Variants in OSER1 observed in about 807,000 individuals in gnomAD.
The protein encoded by OSER1 is oxidative stress responsive serine rich 1.
OSER1 carries 15 observed loss-of-function variants against 26.3 expected under a neutral mutation model. The ratio of observed to expected loss-of-function variants is 0.57; its 90% CI spans 0.38 to 0.88. OSER1 has a LOEUF of 0.88. Among genes scored for constraint, OSER1 ranks in the 40% least tolerant of loss-of-function variants. The probability of loss-of-function intolerance (pLI) is 0.00; values close to 1 mark genes in which losing one functional copy is unlikely to be tolerated. For synonymous variants in OSER1, 127 were observed against 128.2 expected (o/e 0.99, Z 0.07); for missense variants, 313 against 353.9 (o/e 0.88, Z 0.93).
rs771253796 is a variant in OSER1 at position 44,206,915 on chromosome 20, T to C, written c.43A>G (p.Thr15Ala). 26 of 1,582,064 alleles carry C rather than the reference T, an allele frequency of 1.6e-5. No individual in the cohort carries two copies. Among genetic ancestry groups the C allele is most frequent in the Admixed American group, 5.0e-5 (3 of 59,952 alleles). Residue 15 changes from threonine (T) to alanine (A), a missense_variant, in exon 2 of 4, where the codon ACT (threonine) becomes GCT (alanine). Around this residue, in one of 2 missense-constraint regions of OSER1, gnomAD observed 300 missense variants for 318.3 expected, o/e 0.94. Transcript: ENST00000255174. ...TCCACTCTTAATTTTTTGAAAGCAGTCTGTAGACTCTCCTCCTCTCCATCC... is the reference window on the plus strand; with the variant it reads ...TCCACTCTTAATTTTTTGAAAGCAGCCTGTAGACTCTCCTCCTCTCCATCC... Reference protein sequence around the residue: ...AKDGEEESLQTAFKKLRVDAS... With the variant: ...AKDGEEESLQAAFKKLRVDAS...
Position 44,206,975 on chromosome 20 carries a change from T to A in OSER1, c.-18A>T. On this transcript the variant is annotated 5_prime_UTR_variant, in exon 2 of 4. Transcript: ENST00000255174. ...GATTTCATTGTGCAAGTTTTTACAC[T>A]ACTTATCGATGTTCCTGTTTACACT... 6.3e-7 allele frequency: 1 copy of A among 1,586,348 alleles called. No individual in the cohort carries two copies.
In OSER1 at chr20:44,197,526, A is replaced by G; in HGVS notation, c.405T>C (p.Ser135=). 1.2e-6 allele frequency: 2 copies of G among 1,614,138 alleles called. No individual in the cohort carries two copies. The highest frequency in any genetic ancestry group is 1.7e-6 in the Non-Finnish European group (2 of 1,179,962). The part of the protein sequence containing the change: ...SPKEFSAGES[S]TSLDANHTGA... ...CTGTGTGATTAGCATCGAGAGAAGT[A>G]GAGCTTTCTCCTGCACTGAACTCTT... The change falls in exon 4 of 4, where the codon TCT becomes TCC. Residue 135 remains serine, a synonymous_variant. Coordinates refer to ENST00000255174, the MANE Select transcript of OSER1 (RefSeq NM_016470.8).
chr20:44,209,612 A>ACTTT (rs3215561), intron 1 of OSER1, among the ~76,000 whole-genome samples: 35,210 of 151,998 alleles, frequency 0.23, 5,949 homozygotes, highest in African/African-American at 0.47. Context: ...ATTCGAAGTT[A>ACTTT]AAGTCAAATC....
chr20:44,205,960 A>G (rs1203927239), intron 2 of OSER1, among the ~76,000 whole-genome samples: 1 of 151,120 alleles, frequency 6.6e-6, no homozygotes, highest in African/African-American at 2.4e-5. Flanking sequence ...AAAAAAAAAA[A>G]AAAGAGCAGA....
intron 3 of OSER1, among the ~76,000 whole-genome samples, chr20:44,199,434 T>A (rs1451776376): frequency 6.6e-6 from 1 of 152,194 alleles, no homozygotes; most frequent in Non-Finnish European, 1.5e-5. Context: ...GCTGGTGCCA[T>A]GCTCTTACAC....
intron 3 of OSER1, among the ~76,000 whole-genome samples, chr20:44,200,699 A>G (rs1041990083): frequency 6.7e-6 from 1 of 149,924 alleles, no homozygotes; most frequent in Non-Finnish European, 1.5e-5. Flanking sequence ...CTGAATTGAT[A>G]AGAGAATCTA....
chr20:44,207,874 A>T (rs983340625), intron 1 of OSER1, among the ~76,000 whole-genome samples: 6 of 152,234 alleles, frequency 3.9e-5, no homozygotes, highest in African/African-American at 1.4e-4. Context: ...TGAAGAACCA[A>T]CCAAAGCAAC....
chr20:44,204,508 C>G (rs1271146662), intron 2 of OSER1, among the ~76,000 whole-genome samples: 1 of 151,972 alleles, frequency 6.6e-6, no homozygotes, highest in Non-Finnish European at 1.5e-5. Context: ...AGAATACATG[C>G]TACAAATATA....
At position 44,206,943 on chromosome 20, in the gene OSER1, G is replaced by A. The variant is rs762498187; in HGVS notation, c.15C>T (p.Ala5=). The A allele has an allele frequency of 1.2e-6, 2 of 1,607,460 alleles. No homozygotes were observed. The highest frequency in any genetic ancestry group is 4.5e-5 in the East Asian group (2 of 44,776). ...GTAGACTCTCCTCCTCTCCATCCTT[G>A]GCTTCGGATTTCATTGTGCAAGTTT... MKSE[A]KDGEEESLQT... is the part of the protein sequence containing the mutation. The change falls in exon 2 of 4, where the codon GCC becomes GCT. Residue 5 remains alanine, a synonymous_variant. Transcript: ENST00000255174.
intron 3 of OSER1, among the ~76,000 whole-genome samples, chr20:44,202,247 G>A (rs1236917758): frequency 6.6e-6 from 1 of 152,050 alleles, no homozygotes; most frequent in African/African-American, 2.4e-5. Flanking sequence ...ATGGTGGCGG[G>A]CACCTGCGTA....
rs1051236097 is a variant in OSER1, at chr20:44,197,631, A to C, written c.300T>G (p.Ser100=). ...TGTGCTTGAGTTGACTGCTGGAAGA[A>C]GACGCTATTGTACTGCAATGTATAA... ...PKFIHCSTIA[S]SSSSQLKHKS... is the part of the protein sequence containing the mutation. The change falls in exon 4 of 4, where the codon TCT becomes TCG. Residue 100 remains serine, a synonymous_variant. Coordinates refer to ENST00000255174, the MANE Select transcript of OSER1 (RefSeq NM_016470.8). 6 of 1,614,168 alleles carry C rather than the reference A, an allele frequency of 3.7e-6. No individual in the cohort carries two copies. The highest frequency in any genetic ancestry group is 3.3e-5 in the Admixed American group (2 of 60,034).
chr20:44,198,430 TAA>T (rs979549274), intron 3 of OSER1, among the ~76,000 whole-genome samples: 3 of 152,122 alleles, frequency 2.0e-5, no homozygotes, highest in African/African-American at 7.2e-5. Flanking sequence ...CCATCCTGGC[TAA>T]AGCGGTGAAA....
At chr20:44,210,401 C>G (rs1032012935) in intron 1 of OSER1, among the ~76,000 whole-genome samples, 9 of 152,052 alleles carry the variant, frequency 5.9e-5, no homozygotes, top group African/African-American at 1.9e-4. Context: ...CCAAGGAGGG[C>G]GAAAAGGGGA....
rs991678555 is a variant in OSER1, at chr20:44,196,125, ATTT to A, written c.*924_*926del. 6.7e-6 allele frequency among the ~76,000 whole-genome samples: 1 copy of A among 149,802 alleles called. No homozygotes were observed. Among genetic ancestry groups the A allele is most frequent in the African/African-American group, 2.4e-5 (1 of 40,846 alleles). On this transcript the variant is annotated 3_prime_UTR_variant, in exon 4 of 4. Coordinates refer to ENST00000255174, the MANE Select transcript of OSER1 (RefSeq NM_016470.8). ...ATCATCCAGCTGAAACCGAAGACAG[ATTT>A]TTTTTTTACCAAACTGGAGGGAATT...
rs754545132 is a variant in OSER1, at chr20:44,206,843, A to G, written c.77+38T>C. The G allele has an allele frequency of 4.7e-6, 4 of 857,344 alleles. No homozygotes were observed. The East Asian group carries it at 1.1e-4, about 23-fold the overall frequency. 53.1% of individuals were successfully genotyped at this position (857,344 alleles called of 1,614,324 possible). A position where few individuals can be genotyped will look rare whatever the true frequency, so the allele number is the denominator to read the frequency against. ...AAAAGGGACTATTTAAAATAAGTAA[A>G]CAAATAATTCCAAATAATATATTAC... On this transcript the variant is annotated intron_variant, in intron 2 of 3. Coordinates refer to ENST00000255174, the MANE Select transcript of OSER1 (RefSeq NM_016470.8).
chr20:44,208,760 T>G (rs2145942749), intron 1 of OSER1, among the ~76,000 whole-genome samples: 1 of 152,290 alleles, frequency 6.6e-6, no homozygotes, highest in African/African-American at 2.4e-5. Context: ...CTTACAATGT[T>G]CCTCAATTAC....
chr20:44,207,992 C>A (rs998729218), intron 1 of OSER1, among the ~76,000 whole-genome samples: 3 of 151,998 alleles, frequency 2.0e-5, no homozygotes, highest in Admixed American at 6.6e-5. Flanking sequence ...TTAAGCAAAC[C>A]AGCATCTATG....
At chr20:44,207,312 C>A in intron 1 of OSER1, 1 of 168,950 alleles carries the variant, frequency 5.9e-6, no homozygotes, top group Admixed American at 6.0e-5. Context: ...CCCAGTTGGT[C>A]TAGAAACCTA....
rs1318816056 is a variant in OSER1, at chr20:44,197,165, G to A, written c.766C>T (p.Gln256Ter). 1 of 1,614,050 alleles carries A rather than the reference G, an allele frequency of 6.2e-7. No homozygotes were observed. The change falls in exon 4 of 4, where the codon CAA (glutamine) becomes TAA (stop). Residue 256 changes from glutamine (Q) to a stop codon, truncating the protein, a stop_gained. Coordinates refer to ENST00000255174, the MANE Select transcript of OSER1 (RefSeq NM_016470.8). LOFTEE classifies it high-confidence loss of function. The stretch of plus-strand genomic sequence containing the variant: ...ACATCATCCACGAAGACTCGAGCTT[G>A]CTCAGAACAGGATCGGGGAGAGCCA... Reference protein sequence around the residue: ...LSGSPRSCSEQARVFVDDVTI... With the variant: ...LSGSPRSCSE
Sources: allele counts gnomAD v4.1 joint callset (sites outside exome capture counted in the v4.1 genomes callset), GRCh38; gene constraint gnomAD v4.1.1; regional missense constraint gnomAD v4.1.1; transcripts MANE v1.5; gene names NCBI Gene and HGNC (gene_info 2026-07-23, HGNC 2026-07-21).